Variants in RAVER2 observed in about 807,000 individuals in gnomAD.
RAVER2 encodes ribonucleoprotein PTB-binding 2.
Under a neutral mutation model 78.1 loss-of-function variants are expected in RAVER2, and 46 were observed. The ratio of observed to expected loss-of-function variants is 0.59; its 90% confidence interval spans 0.46 to 0.75. RAVER2 has a LOEUF of 0.75. Ranked by LOEUF, RAVER2 falls within the 30% of genes least tolerant of loss-of-function variation. The probability of loss-of-function intolerance (pLI) is 0.00; values close to 1 mark genes in which losing one functional copy is unlikely to be tolerated. For synonymous variants in RAVER2, 311 were observed against 313.3 expected, an observed-to-expected ratio of 0.99 and a Z score of 0.08; for missense variants, 793 against 837.5, an observed-to-expected ratio of 0.95 and a Z score of 0.66.
chr1:64,779,944 T>C (rs1040254859), intron 3 of RAVER2, among the ~76,000 whole-genome samples: 31 of 152,032 alleles, frequency 2.0e-4, no homozygotes, highest in African/African-American at 7.0e-4. Flanking sequence ...TGTTTTTGAA[T>C]GGCTCTCATA....
At chr1:64,801,044 A>G (rs1218622976) in intron 5 of RAVER2, among the ~76,000 whole-genome samples, 1 of 150,548 alleles carries the variant, frequency 6.6e-6, no homozygotes, top group Admixed American at 6.6e-5. Context: ...AGATGTTGCC[A>G]GAACCTTTTC....
rs914876843 is a variant in RAVER2 at position 64,772,144 on chromosome 1, C to T, written c.316+3422C>T. Among the ~76,000 whole-genome samples, 3 of 152,168 alleles carry T rather than the reference C, an allele frequency of 2.0e-5. No individual in the cohort carries two copies. The South Asian group carries it at 6.2e-4, about 32-fold the overall frequency. The stretch of plus-strand genomic sequence containing the variant: ...TTACAGCCTTTTCTCTGTAGAGTGA[C>T]ATCTACCATTTCTATGAGAACTAGT... On this transcript the variant is annotated intron_variant, in intron 2 of 11. Transcript: ENST00000294428.
chr1:64,775,158 T>C (rs1652426781), intron 2 of RAVER2, among the ~76,000 whole-genome samples: 1 of 152,210 alleles, frequency 6.6e-6, no homozygotes, highest in Admixed American at 6.5e-5. Context: ...CCTAATCGTT[T>C]TGTTTTTTGG....
chr1:64,777,465 T>C (rs1353315626), intron 2 of RAVER2, among the ~76,000 whole-genome samples, 158 bp from the exon 3 acceptor site: 1 of 152,140 alleles, frequency 6.6e-6, no homozygotes, highest in Non-Finnish European at 1.5e-5. Flanking sequence ...GAATAAAAAA[T>C]GTCACAATGC....
intron 8 of RAVER2, among the ~76,000 whole-genome samples, chr1:64,806,028 G>A (rs1015696037): frequency 6.6e-6 from 1 of 152,072 alleles, no homozygotes; most frequent in African/African-American, 2.4e-5. Context: ...CTAAACGTTA[G>A]GGGAACCAAA....
At chr1:64,755,741 T>G (rs1230642146) in intron 1 of RAVER2, among the ~76,000 whole-genome samples, 1 of 144,824 alleles carries the variant, frequency 6.9e-6, no homozygotes, top group Non-Finnish European at 1.5e-5. Flanking sequence ...TTTTTTTTTT[T>G]TTTTTTTTTT....
intron 4 of RAVER2, 139 bp downstream of exon 4, chr1:64,781,710 T>A: frequency 1.1e-6 from 1 of 905,640 alleles, no homozygotes; most frequent in Non-Finnish European, 1.6e-6. Context: ...ACTTTTCCTT[T>A]TTTTTAAAAA....
At chr1:64,807,458 C>G in exon 9 of RAVER2, 1 of 1,613,802 alleles carries the variant, frequency 6.2e-7, no homozygotes, top group Non-Finnish European at 8.5e-7. Context: ...CCAAAAGGCA[C>G]AGAGATAAGT....
At chr1:64,829,270 G>A (rs1456802038) in intron 11 of RAVER2, among the ~76,000 whole-genome samples, 1 of 152,190 alleles carries the variant, frequency 6.6e-6, no homozygotes, top group African/African-American at 2.4e-5. Flanking sequence ...TGGGTGAGAA[G>A]AGCAGGAGCA....
At chr1:64,781,423 T>C (rs1652623582) in exon 4 of RAVER2, 1 of 1,612,694 alleles carries the variant, frequency 6.2e-7, no homozygotes, top group African/African-American at 1.3e-5. Context: ...TTTGCAGTGG[T>C]TGAATATAGC....
At position 64,815,195 on chromosome 1, in the gene RAVER2, A is replaced by C. The variant is rs115099695; in HGVS notation, c.1929+355A>C. The C allele has an allele frequency of 3.0e-3, 470 of 154,368 alleles. 1 individual carries two copies. The highest frequency in any genetic ancestry group is 0.011 in the African/African-American group (439 of 41,670). 9.6% of individuals were successfully genotyped at this position (154,368 alleles called of 1,614,324 possible). On this transcript the variant is annotated intron_variant, in intron 11 of 11. Coordinates refer to ENST00000294428, the Ensembl canonical transcript of RAVER2. ...CTGTCATGCTATAATAAAAGAGTTG[A>C]GTGATGACAGTAGAGACTATGTGGC...
At chr1:64,788,498 T>C (rs1652845014) in intron 4 of RAVER2, among the ~76,000 whole-genome samples, 1 of 139,100 alleles carries the variant, frequency 7.2e-6, no homozygotes, top group Non-Finnish European at 1.6e-5. Context: ...AAAACAATAA[T>C]AAAGAAGATT....
At chr1:64,833,060 G>C in exon 12 of RAVER2, 1 of 177,892 alleles carries the variant, frequency 5.6e-6, no homozygotes. Context: ...TCAATCACTG[G>C]GCACAACAGT....
intron 11 of RAVER2, among the ~76,000 whole-genome samples, chr1:64,824,008 C>T (rs1179719371): frequency 2.6e-5 from 4 of 152,024 alleles, no homozygotes; most frequent in Non-Finnish European, 4.4e-5. Flanking sequence ...GGTTTCACCA[C>T]ATTGACCAGG....
At chr1:64,822,015 C>T (rs1405960820) in intron 11 of RAVER2, among the ~76,000 whole-genome samples, 2 of 152,212 alleles carry the variant, frequency 1.3e-5, no homozygotes, top group African/African-American at 4.8e-5. Context: ...AGGCCAGGCG[C>T]GGTGGCTCAC....
At chr1:64,812,362 C>CAAAA (rs61411897) in intron 9 of RAVER2, among the ~76,000 whole-genome samples, 2,634 of 69,496 alleles carry the variant, frequency 0.038, 81 homozygotes, top group Admixed American at 0.096. Context: ...ATTCCATCTC[C>CAAAA]AAAAAAAAAA....
chr1:64,765,068 A>G (rs1557585604), intron 1 of RAVER2, among the ~76,000 whole-genome samples: 1 of 152,234 alleles, frequency 6.6e-6, no homozygotes, highest in Non-Finnish European at 1.5e-5. Context: ...ATGAGACACA[A>G]TTTTATATCC....
chr1:64,807,938 A>T (rs1653489952), intron 9 of RAVER2, among the ~76,000 whole-genome samples: 1 of 152,200 alleles, frequency 6.6e-6, no homozygotes, highest in African/African-American at 2.4e-5. Flanking sequence ...ATCAATGCTT[A>T]TTCGCTTACG....
chr1:64,821,694 C>T (rs959887718), intron 11 of RAVER2, among the ~76,000 whole-genome samples: 6 of 152,070 alleles, frequency 3.9e-5, no homozygotes, highest in Admixed American at 6.5e-5. Flanking sequence ...ATAAAAGGTG[C>T]GGGGATAACT....
Sources: allele counts gnomAD v4.1 joint callset (sites outside exome capture counted in the v4.1 genomes callset), GRCh38; gene constraint gnomAD v4.1.1; transcripts MANE v1.5; gene names NCBI Gene and HGNC (gene_info 2026-07-23, HGNC 2026-07-21).